DNAH5: variants seen among roughly 807,000 people sequenced by gnomAD.
DNAH5 encodes dynein axonemal heavy chain 5, also known as axonemal beta dynein heavy chain 5.
Under a neutral mutation model 518.2 loss-of-function variants are expected in DNAH5, and 372 were observed. The ratio of observed to expected loss-of-function variants is 0.72; its 90% CI spans 0.66 to 0.78. The LOEUF (loss-of-function observed/expected upper bound fraction) is 0.78, where lower values mean the gene tolerates loss of function less well. Among genes scored for constraint, DNAH5 ranks in the 30% least tolerant of loss-of-function variants. The probability of loss-of-function intolerance (pLI) is 0.00; values close to 1 mark genes in which losing one functional copy is unlikely to be tolerated. For missense variants in DNAH5, 5,523 were observed against 5,687.0 expected, an observed-to-expected ratio of 0.97 and a Z score of 0.93; for synonymous variants, 2,039 against 2,025.9, an observed-to-expected ratio of 1.01 and a Z score of -0.17.
chr5:13,883,823 GAA>G (rs1253799062), intron 19 of DNAH5, among the ~76,000 whole-genome samples: 2 of 151,760 alleles, frequency 1.3e-5, no homozygotes, highest in Admixed American at 1.3e-4. Flanking sequence ...TCTCCATCCT[GAA>G]TGAAGTAAAA....
upstream of DNAH5, among the ~76,000 whole-genome samples, chr5:13,945,294 G>A (rs1287396660): frequency 6.6e-6 from 1 of 152,168 alleles, no homozygotes; most frequent in African/African-American, 2.4e-5. Flanking sequence ...ACTTAAGGTT[G>A]GTCTTGTTGA....
chr5:13,778,417 G>T (rs1754425945), intron 53 of DNAH5, among the ~76,000 whole-genome samples: 1 of 134,426 alleles, frequency 7.4e-6, no homozygotes, highest in Non-Finnish European at 1.5e-5. Context: ...TGAGATCCGA[G>T]AGATCAGAAA....
chr5:13,703,239 G>C (rs1244606551), intron 76 of DNAH5, among the ~76,000 whole-genome samples: 1 of 151,996 alleles, frequency 6.6e-6, no homozygotes, highest in Non-Finnish European at 1.5e-5. Context: ...CAACCCTCAG[G>C]GCCAGGAGAA....
At position 13,864,616 on chromosome 5, in the gene DNAH5, G is replaced by A. The variant is rs1247715056; in HGVS notation, c.4377C>T (p.Ala1459=). Residue 1459 remains alanine (A), a synonymous_variant, in exon 28 of 79, where the codon GCC becomes GCT. Coordinates refer to ENST00000265104, the MANE Select transcript of DNAH5 (RefSeq NM_001369.3). ...CCAAAAAAGCCTGCCAGTCCTTCAA[G>A]GCCCGGGGAAGCTTTCGACATCTGT... The part of the protein sequence containing the change: ...FQNRCRKLPR[A]LKDWQAFLDL... 2 of 1,613,978 alleles carry A rather than the reference G, an allele frequency of 1.2e-6. No homozygotes were observed. Among genetic ancestry groups the A allele is most frequent in the African/African-American group, 2.7e-5 (2 of 74,892 alleles).
At chr5:13,737,737 C>G (rs1454268705) in intron 65 of DNAH5, among the ~76,000 whole-genome samples, 1 of 151,754 alleles carries the variant, frequency 6.6e-6, no homozygotes, top group Non-Finnish European at 1.5e-5. Flanking sequence ...CTAGCCTGGT[C>G]AACATGGTAA....
At chr5:13,999,897 G>A (rs1438439777) in intron 1 of DNAH5, among the ~76,000 whole-genome samples, 1 of 152,182 alleles carries the variant, frequency 6.6e-6, no homozygotes, top group South Asian at 2.1e-4. Flanking sequence ...ATCTTGACAG[G>A]TGTGCGGTAA....
Position 13,762,864 on chromosome 5 carries a change from T to C in DNAH5, c.10139A>G (p.Glu3380Gly). Residue 3380 changes from glutamate (E) to glycine (G), a missense_variant, in exon 60 of 79, where the codon GAA (glutamate) becomes GGA (glycine). Physicochemically the swap from Glu to Gly is moderately conservative, Grantham distance 98. Around this residue, in one of 3 missense-constraint regions of DNAH5, gnomAD observed 5,121 missense variants for 5,223.3 expected, o/e 0.98. Coordinates refer to ENST00000265104, the MANE Select transcript of DNAH5 (RefSeq NM_001369.3). ...CATTTCAAAGTAAGGACTCAAAAAT[T>C]CTATCACCTCTTCATTGATTGTGTC... ...PKDTINEEVI[E>G]FLSPYFEMPD... 6.2e-7 allele frequency: 1 copy of C among 1,613,936 alleles called. No individual in the cohort carries two copies.
chr5:13,838,300 A>G (rs1764681904), intron 35 of DNAH5, among the ~76,000 whole-genome samples: 1 of 152,192 alleles, frequency 6.6e-6, no homozygotes, highest in Admixed American at 6.5e-5. Flanking sequence ...GAATGAGGAC[A>G]GAGTATTGGT....
intron 1 of DNAH5, among the ~76,000 whole-genome samples, chr5:13,996,693 C>T (rs1443531534): frequency 6.6e-6 from 1 of 152,276 alleles, no homozygotes; most frequent in Non-Finnish European, 1.5e-5. Context: ...AGACGTTAGA[C>T]CCCCAAGGTT....
intron 1 of DNAH5, among the ~76,000 whole-genome samples, chr5:14,002,823 CT>C (rs1179987731): frequency 5.9e-5 from 9 of 151,672 alleles, no homozygotes; most frequent in African/African-American, 1.9e-4. Context: ...AATGTACTTA[CT>C]TTTTATTAAT....
chr5:13,861,902 G>A (rs1387335867), intron 29 of DNAH5, among the ~76,000 whole-genome samples: 1 of 128,434 alleles, frequency 7.8e-6, no homozygotes, highest in East Asian at 2.7e-4. Context: ...TCAGTGAGCT[G>A]AGATCACGCC....
At chr5:13,805,199 G>A (rs974008223) in intron 47 of DNAH5, among the ~76,000 whole-genome samples, 2 of 152,082 alleles carry the variant, frequency 1.3e-5, no homozygotes, top group African/African-American at 2.4e-5. Context: ...GGAGATTTGA[G>A]TTCAGTCTTA....
At chr5:13,811,556 G>T in intron 44 of DNAH5, 91 bp downstream of exon 44, 2 of 1,273,438 alleles carry the variant, frequency 1.6e-6, no homozygotes, top group Non-Finnish European at 2.3e-6. Flanking sequence ...GTATAGCATG[G>T]CTACATTAAT....
chr5:13,767,273 C>A (rs966341243), intron 58 of DNAH5, among the ~76,000 whole-genome samples: 3 of 152,168 alleles, frequency 2.0e-5, no homozygotes, highest in African/African-American at 7.2e-5. Flanking sequence ...TACAGGCACA[C>A]ACCACCATGC....
At chr5:13,756,731 G>C (rs896238286) in intron 61 of DNAH5, among the ~76,000 whole-genome samples, 1 of 152,128 alleles carries the variant, frequency 6.6e-6, no homozygotes, top group Non-Finnish European at 1.5e-5. Context: ...CAGTTCAGGG[G>C]TATGTGTACA....
intron 30 of DNAH5, among the ~76,000 whole-genome samples, chr5:13,856,349 A>C (rs190963771): frequency 6.6e-6 from 1 of 152,222 alleles, no homozygotes; most frequent in Non-Finnish European, 1.5e-5. Context: ...ACAAACTGCC[A>C]TCAGAGAATA....
chr5:13,750,573 C>A (rs1430339150), intron 65 of DNAH5, among the ~76,000 whole-genome samples: 1 of 152,166 alleles, frequency 6.6e-6, no homozygotes, highest in Non-Finnish European at 1.5e-5. Context: ...CACATCAGAT[C>A]CCATCAGGAC....
chr5:13,819,099 C>T (rs147784253), intron 41 of DNAH5, among the ~76,000 whole-genome samples: 21 of 152,192 alleles, frequency 1.4e-4, no homozygotes, highest in African/African-American at 5.1e-4. Context: ...TCATTTTGTT[C>T]GAGTCATTGT....
chr5:13,800,021 C>A (rs1758494023), intron 47 of DNAH5, among the ~76,000 whole-genome samples: 1 of 152,058 alleles, frequency 6.6e-6, no homozygotes, highest in Non-Finnish European at 1.5e-5. Context: ...GTTGGACATG[C>A]TTGCATGGGG....
Sources: allele counts gnomAD v4.1 joint callset (sites outside exome capture counted in the v4.1 genomes callset), GRCh38; gene constraint gnomAD v4.1.1; regional missense constraint gnomAD v4.1.1; transcripts MANE v1.5; gene names NCBI Gene and HGNC (gene_info 2026-07-23, HGNC 2026-07-21).